PPRC1: variants seen among roughly 807,000 people sequenced by gnomAD.
PPRC1 encodes PPARG related coactivator 1, also known as peroxisome proliferator-activated receptor gamma coactivator-related protein 1.
PPRC1 carries 23 observed loss-of-function variants against 132.5 expected under a neutral mutation model. That is an observed-to-expected ratio of 0.17 (90% CI 0.12 to 0.25). PPRC1 has a LOEUF of 0.25. Ranked by LOEUF, PPRC1 falls within the 10% of genes least tolerant of loss-of-function variation. The pLI is 1.00. For missense variants in PPRC1, 2,006 were observed against 2,089.1 expected (o/e 0.96, Z 0.78); for synonymous variants, 872 against 833.5 (o/e 1.05, Z -0.80).
chr10:102,128,037 A>G (rs548754661), upstream of PPRC1, among the ~76,000 whole-genome samples: 90 of 152,252 alleles, frequency 5.9e-4, no homozygotes, highest in African/African-American at 2.1e-3. Flanking sequence ...GCCAGGATGT[A>G]GTCATCTTAA....
chr10:102,120,495 G>A, the PPRC1 span: 2 of 479,520 alleles, frequency 4.2e-6, no homozygotes, highest in Middle Eastern at 1.0e-3. Flanking sequence ...CCCAGCCCAA[G>A]CCGGGCAGGG....
rs1485728575 is a variant in PPRC1 at position 102,142,376 on chromosome 10, T to C, written c.3496+372T>C. ...TCAGCCTCCCAAAGTGCTGGGATTA[T>C]AGGCGTGAGCCGCTGCACCATGCCT... On this transcript the variant is annotated intron_variant, in intron 5 of 13. Coordinates refer to ENST00000278070, the MANE Select transcript of PPRC1 (RefSeq NM_015062.5). Among the ~76,000 whole-genome samples, 428 of 121,276 alleles carry C rather than the reference T, an allele frequency of 3.5e-3. 1 individual carries two copies. The highest frequency in any genetic ancestry group is 0.013 in the African/African-American group (384 of 30,534). 79.6% of individuals were successfully genotyped at this position (121,276 alleles called of 152,430 possible). A position where few individuals can be genotyped will look rare whatever the true frequency, so the allele number is the denominator to read the frequency against.
intron 8 of PPRC1, among the ~76,000 whole-genome samples, chr10:102,145,825 A>G (rs2069213076): frequency 6.6e-6 from 1 of 152,222 alleles, no homozygotes; most frequent in Admixed American, 6.5e-5. Flanking sequence ...AGATTGCGCC[A>G]CTGCCCTCCA....
At chr10:102,149,789 C>T (rs1485978635) in intron 13 of PPRC1, 137 bp from the exon 14 acceptor site, 6 of 671,438 alleles carry the variant, frequency 8.9e-6, no homozygotes, top group Admixed American at 4.6e-5. Flanking sequence ...GGACTGGGGA[C>T]TCTCCTATCT....
chr10:102,142,936 G>A, intron 5 of PPRC1, 109 bp from the exon 6 acceptor site: 1 of 943,522 alleles, frequency 1.1e-6, no homozygotes, highest in Non-Finnish European at 1.6e-6. Flanking sequence ...TTAGTACAGA[G>A]GGCAGGGGGA....
rs575761739 is a variant in PPRC1 at position 102,138,985 on chromosome 10, G to A, written c.591+5G>A. 2.2e-5 allele frequency: 36 copies of A among 1,612,214 alleles called. No individual in the cohort carries two copies. In the South Asian group the frequency reaches 3.7e-4, roughly 17 times the overall value. On this transcript the variant is annotated splice_donor_5th_base_variant and intron_variant, in intron 4 of 13. Coordinates refer to ENST00000278070, the MANE Select transcript of PPRC1 (RefSeq NM_015062.5). ...GGCAGCAGTAGAGGGAGTGGGGTAA[G>A]CCTGACCTAGAGGGTTTCAGAAACT...
chr10:102,148,949 G>T lies in PPRC1; in HGVS notation c.4739+11G>T, dbSNP rs373484757. 2 of 1,613,074 alleles carry T rather than the reference G, an allele frequency of 1.2e-6. No individual in the cohort carries two copies. Among genetic ancestry groups the T allele is most frequent in the African/African-American group, 2.7e-5 (2 of 74,838 alleles). ...CTTCCGTGTCCAAGGGTAAGCTTGG[G>T]CCCCAGGCTCAGGATGTTCTTTCTA... is the stretch of plus-strand genomic sequence containing the variant. On this transcript the variant is annotated intron_variant, in intron 12 of 13. Transcript: ENST00000278070. This position sits in a 1 kb window ranked among gnomAD's most constrained non-coding sequence, Gnocchi z 4.2.
chr10:102,149,105 G>A, intron 12 of PPRC1, 73 bp from the exon 13 acceptor site: 1 of 1,525,438 alleles, frequency 6.6e-7, no homozygotes, highest in Admixed American at 2.1e-5. Context: ...TCTGTACCTT[G>A]GGATGCTGTG....
At chr10:102,149,368 T>A in intron 13 of PPRC1, 39 bp downstream of exon 13, 1 of 1,525,790 alleles carries the variant, frequency 6.6e-7, no homozygotes. Flanking sequence ...GAATGCTTCA[T>A]CCCCTCCCCA....
chr10:102,144,169 T>C (rs71471234), intron 6 of PPRC1, 81 bp from the exon 7 acceptor site: 4 of 1,388,586 alleles, frequency 2.9e-6, no homozygotes, highest in Non-Finnish European at 4.1e-6. Context: ...TTTCCTCCTT[T>C]GGGTCTCAAA....
chr10:102,141,859 T>A lies in PPRC1; in HGVS notation c.3351T>A (p.Ala1117=). Residue 1117 remains alanine (A), a synonymous_variant, in exon 5 of 14, where the codon GCT becomes GCA. Transcript: ENST00000278070. ...TRPREKPPLP[A]TKAVPTPRQS... ...CCAGGGAGAAGCCCCCCTTGCCTGC[T>A]ACCAAGGCTGTTCCCACACCAAGGC... The A allele has an allele frequency of 1.2e-6, 2 of 1,614,092 alleles. No individual in the cohort carries two copies. The highest frequency in any genetic ancestry group is 1.7e-6 in the Non-Finnish European group (2 of 1,180,004).
upstream of PPRC1, among the ~76,000 whole-genome samples, chr10:102,130,444 A>G (rs2068523283): frequency 7.7e-6 from 1 of 129,114 alleles, no homozygotes; most frequent in African/African-American, 3.0e-5. Context: ...AAAAAAAAAC[A>G]ACTAAACAGG....
At chr10:102,120,468 C>T in the PPRC1 span, 4 of 884,556 alleles carry the variant, frequency 4.5e-6, no homozygotes, top group African/African-American at 1.8e-5. Context: ...CGCGCTCCCT[C>T]GCGCCGGCGC....
In PPRC1 at chr10:102,150,160, TAAA is replaced by T. The variant is rs1236923238; in HGVS notation, c.*135_*137del. On this transcript the variant is annotated 3_prime_UTR_variant, in exon 14 of 14. Transcript: ENST00000278070. ...TATAAAGAAATGGAAAAAAGTGAAA[TAAA>T]AAATATGTTGAATCAGATTTTTTAA... is the stretch of plus-strand genomic sequence containing the variant. 6 of 663,508 alleles carry T rather than the reference TAAA, an allele frequency of 9.0e-6. No homozygotes were observed. The highest frequency in any genetic ancestry group is 1.6e-5 in the Non-Finnish European group (6 of 384,318). The allele number at this position is 663,508 out of a possible 1,614,324, so 41.1% of individuals were successfully genotyped here. A position where few individuals can be genotyped will look rare whatever the true frequency, so the allele number is the denominator to read the frequency against.
At chr10:102,144,134 C>A in intron 6 of PPRC1, 116 bp from the exon 7 acceptor site, 2 of 948,900 alleles carry the variant, frequency 2.1e-6, no homozygotes, top group Non-Finnish European at 3.4e-6. Context: ...GAGATCCCAA[C>A]AGGGAATATG....
At chr10:102,124,159 A>G in the PPRC1 span, among the ~76,000 whole-genome samples, 3 of 150,404 alleles carry the variant, frequency 2.0e-5, no homozygotes, top group African/African-American at 7.3e-5. Context: ...GCCGCCTCCC[A>G]GGTTCAAGCG....
chr10:102,149,138 T>C (rs2069402911), intron 12 of PPRC1, 40 bp from the exon 13 acceptor site: 13 of 1,549,776 alleles, frequency 8.4e-6, no homozygotes, highest in Non-Finnish European at 1.1e-5. Context: ...CATGGGCCCA[T>C]ATAGCCACTC....
At chr10:102,149,889 TG>T in intron 13 of PPRC1, 36 bp from the exon 14 acceptor site, 1 of 1,495,154 alleles carries the variant, frequency 6.7e-7, no homozygotes, top group Non-Finnish European at 9.3e-7. Flanking sequence ...TTGGGAAGTG[TG>T]GTCAGAGACC....
upstream of PPRC1, among the ~76,000 whole-genome samples, chr10:102,130,853 G>A (rs1371125884): frequency 1.3e-5 from 2 of 151,954 alleles, no homozygotes. Context: ...AAGAGTTGGA[G>A]AACAGCCTGG....
Sources: allele counts gnomAD v4.1 joint callset (sites outside exome capture counted in the v4.1 genomes callset), GRCh38; gene constraint gnomAD v4.1.1; non-coding constraint Gnocchi (gnomAD v3.1); transcripts MANE v1.5; gene names NCBI Gene and HGNC (gene_info 2026-07-23, HGNC 2026-07-21).